The following ST3GAL6 variants were observed in gnomAD, a reference collection of about 807,000 sequenced individuals.
The protein encoded by ST3GAL6 is type 2 lactosamine alpha-2,3-sialyltransferase.
Under a neutral mutation model 40.5 loss-of-function variants are expected in ST3GAL6, and 31 were observed. The observed-to-expected ratio is 0.77, with a 90% CI of 0.58 to 1.03. The LOEUF (loss-of-function observed/expected upper bound fraction) is 1.03, where lower values mean the gene tolerates loss of function less well. Ranked by LOEUF, ST3GAL6 falls within the 50% of genes least tolerant of loss-of-function variation. ST3GAL6 has a pLI of 0.00. For missense variants in ST3GAL6, 357 were observed against 393.2 expected (o/e 0.91, Z 0.78); for synonymous variants, 129 against 136.9 (o/e 0.94, Z 0.40).
chr3:98,740,600 C>T (rs1470076709), intron 1 of ST3GAL6, among the ~76,000 whole-genome samples: 1 of 152,026 alleles, frequency 6.6e-6, no homozygotes, highest in Non-Finnish European at 1.5e-5. Flanking sequence ...TGCATGACTC[C>T]GAACAAATAG....
At chr3:98,734,811 T>C (rs769627923) in intron 1 of ST3GAL6, among the ~76,000 whole-genome samples, 1 of 152,198 alleles carries the variant, frequency 6.6e-6, no homozygotes, top group Non-Finnish European at 1.5e-5. Flanking sequence ...GTGTTCTCAT[T>C]CAGTGGCAGA....
At chr3:98,778,559 T>C (rs1260405122) in intron 5 of ST3GAL6, among the ~76,000 whole-genome samples, 1 of 152,234 alleles carries the variant, frequency 6.6e-6, no homozygotes, top group Non-Finnish European at 1.5e-5. Flanking sequence ...AAGCAGCCCC[T>C]GCCTGCTTTC....
chr3:98,775,164 C>A (rs2107227128), intron 5 of ST3GAL6, among the ~76,000 whole-genome samples: 1 of 152,120 alleles, frequency 6.6e-6, no homozygotes, highest in Non-Finnish European at 1.5e-5. Context: ...AACTCCAGTG[C>A]CTGGATGTCT....
At chr3:98,747,707 A>G (rs925121115) in intron 1 of ST3GAL6, among the ~76,000 whole-genome samples, 2 of 152,250 alleles carry the variant, frequency 1.3e-5, no homozygotes, top group Non-Finnish European at 2.9e-5. Context: ...AGACCTAAAA[A>G]TTAAAAATAT....
intron 3 of ST3GAL6, 143 bp downstream of exon 3, chr3:98,771,099 C>A (rs1003969456): frequency 1.3e-6 from 2 of 1,513,252 alleles, no homozygotes; most frequent in Admixed American, 2.0e-5. Context: ...CTTGAATATC[C>A]TGTCTCTTTT....
At chr3:98,768,403 C>T in intron 1 of ST3GAL6, 27 bp from the exon 2 acceptor site, 1 of 1,565,296 alleles carries the variant, frequency 6.4e-7, no homozygotes, top group African/African-American at 1.4e-5. Context: ...CTGGCCTTTG[C>T]TTTGGACTTC....
At chr3:98,774,570 T>C (rs914867444) in intron 5 of ST3GAL6, among the ~76,000 whole-genome samples, 7 of 152,248 alleles carry the variant, frequency 4.6e-5, no homozygotes, top group African/African-American at 1.7e-4. Flanking sequence ...TTGGGCTTAT[T>C]TTACAGAGGT....
At chr3:98,760,856 A>G (rs994390024), upstream of ST3GAL6, among the ~76,000 whole-genome samples, 3 of 152,262 alleles carry the variant, frequency 2.0e-5, no homozygotes, top group Non-Finnish European at 4.4e-5. Flanking sequence ...TAATTGTGGT[A>G]TGACCATACA....
chr3:98,732,726 G>A, intron 1 of ST3GAL6: 1 of 841,004 alleles, frequency 1.2e-6, no homozygotes, highest in African/African-American at 1.8e-5. Flanking sequence ...TGGGGCTGGC[G>A]GGAGCCTGAG....
intron 5 of ST3GAL6, among the ~76,000 whole-genome samples, chr3:98,781,594 G>C (rs1351341769): frequency 6.6e-6 from 1 of 152,056 alleles, no homozygotes; most frequent in Non-Finnish European, 1.5e-5. Flanking sequence ...CTGGTGGCTT[G>C]TTGGCCTTTG....
chr3:98,790,780 T>C (rs1390659930), intron 8 of ST3GAL6, among the ~76,000 whole-genome samples: 1 of 152,004 alleles, frequency 6.6e-6, no homozygotes, highest in Non-Finnish European at 1.5e-5. Context: ...GGAATGGTTA[T>C]AAAGACGGAT....
intron 5 of ST3GAL6, among the ~76,000 whole-genome samples, chr3:98,778,591 G>C (rs1939774462): frequency 6.6e-6 from 1 of 152,334 alleles, no homozygotes; most frequent in East Asian, 1.9e-4. Context: ...GTGGTCAGAT[G>C]TTGGGTAAAG....
chr3:98,764,893 T>G (rs1938166955), intron 1 of ST3GAL6, among the ~76,000 whole-genome samples: 1 of 151,636 alleles, frequency 6.6e-6, no homozygotes, highest in Non-Finnish European at 1.5e-5. Flanking sequence ...GTGCTAGGCA[T>G]TTAGGGTAAA....
At chr3:98,744,171 A>G (rs1256233875) in intron 1 of ST3GAL6, among the ~76,000 whole-genome samples, 1 of 152,196 alleles carries the variant, frequency 6.6e-6, no homozygotes, top group Non-Finnish European at 1.5e-5. Context: ...AGAGGCAAGG[A>G]AAGATTCCTC....
At position 98,793,803 on chromosome 3, in the gene ST3GAL6, T is replaced by C; in HGVS notation, c.*42T>C. On this transcript the variant is annotated 3_prime_UTR_variant, in exon 10 of 10. Transcript: ENST00000483910. ...GATGATGCTAACAGTGTTAGTTTTATTTTTGTACTGCAATTTTTAGTTTAA... is the reference window on the plus strand; with the variant it reads ...GATGATGCTAACAGTGTTAGTTTTACTTTTGTACTGCAATTTTTAGTTTAA... 3 of 1,297,302 alleles carry C rather than the reference T, an allele frequency of 2.3e-6. No homozygotes were observed. 80.4% of individuals were successfully genotyped at this position (1,297,302 alleles called of 1,614,324 possible).
chr3:98,770,380 C>G (rs1938843022), intron 2 of ST3GAL6: 1 of 155,980 alleles, frequency 6.4e-6, no homozygotes, highest in South Asian at 1.9e-4. Context: ...AAATGACTCT[C>G]AATAGTGTGA....
chr3:98,732,904 C>A, intron 1 of ST3GAL6: 1 of 1,508,578 alleles, frequency 6.6e-7, no homozygotes, highest in South Asian at 1.2e-5. Flanking sequence ...CCGGCTGGAG[C>A]AGCGGCCCCT....
intron 6 of ST3GAL6, among the ~76,000 whole-genome samples, chr3:98,787,749 T>C (rs1471170554): frequency 6.6e-6 from 1 of 152,244 alleles, no homozygotes; most frequent in Admixed American, 6.5e-5. Flanking sequence ...TTCCCACTTT[T>C]TTAAATTTAG....
upstream of ST3GAL6, among the ~76,000 whole-genome samples, chr3:98,761,200 C>T (rs1028127600): frequency 6.6e-6 from 1 of 152,106 alleles, no homozygotes; most frequent in Non-Finnish European, 1.5e-5. Context: ...TCCCCAGCTA[C>T]TCAGGAGGCT....
Sources: gnomAD v4.1 joint callset for allele counts (sites outside exome capture counted in the v4.1 genomes callset) on GRCh38, gnomAD v4.1.1 for gene constraint, MANE v1.5 for transcripts, NCBI Gene and HGNC (gene_info 2026-07-23, HGNC 2026-07-21) for gene names.